Variants in SHC4 observed in about 807,000 individuals in gnomAD.
SHC4 encodes SHC adaptor protein 4, also known as SHC-transforming protein 4.
SHC4 carries 41 observed loss-of-function variants against 69.4 expected under a neutral mutation model. The observed-to-expected ratio is 0.59, with a 90% CI of 0.46 to 0.77. The LOEUF is 0.77. SHC4 is among the 30% of genes least tolerant of loss of function. The pLI is 0.00. For missense variants in SHC4, 777 were observed against 783.8 expected, an observed-to-expected ratio of 0.99 and a Z score of 0.10; for synonymous variants, 318 against 299.3, an observed-to-expected ratio of 1.06 and a Z score of -0.64.
At chr15:48,833,373 C>T (rs1198204932) in intron 11 of SHC4, among the ~76,000 whole-genome samples, 1 of 152,176 alleles carries the variant, frequency 6.6e-6, no homozygotes, top group Non-Finnish European at 1.5e-5. Flanking sequence ...CAGCAAGCCA[C>T]CCCACTATCC....
At chr15:48,946,074 C>A (rs1465424922) in intron 1 of SHC4, 1 of 152,136 alleles carries the variant, frequency 6.6e-6, no homozygotes, top group African/African-American at 2.4e-5. Flanking sequence ...CTGAAAAAGT[C>A]AATGATTGCC....
intron 3 of SHC4, 144 bp from the exon 4 acceptor site, chr15:48,884,511 T>A: frequency 1.4e-6 from 1 of 692,452 alleles, no homozygotes; most frequent in Non-Finnish European, 2.1e-6. Context: ...TGAAAGGGAA[T>A]GGTTTTTATT....
intron 1 of SHC4, among the ~76,000 whole-genome samples, chr15:48,960,542 G>C (rs1299663900): frequency 6.6e-6 from 1 of 152,166 alleles, no homozygotes; most frequent in African/African-American, 2.4e-5. Context: ...AGAGGTTTTA[G>C]TTACCCATTT....
chr15:48,841,726 T>C (rs755481385), intron 10 of SHC4, among the ~76,000 whole-genome samples: 8 of 152,222 alleles, frequency 5.3e-5, no homozygotes, highest in Admixed American at 3.3e-4. Context: ...TTCCTGATAT[T>C]GATCCTCTTA....
intron 8 of SHC4, 29 bp from the exon 9 acceptor site, chr15:48,851,277 T>C (rs1371354349): frequency 1.2e-6 from 2 of 1,610,900 alleles, no homozygotes; most frequent in East Asian, 4.5e-5. Flanking sequence ...ATGAAACATT[T>C]ACAAACATAG....
In SHC4 at chr15:48,963,752, G is replaced by A. The variant is rs1003985061; in HGVS notation, c.-737C>T. On this transcript the variant is annotated 5_prime_UTR_variant, in exon 1 of 12. Coordinates refer to ENST00000332408, the MANE Select transcript of SHC4 (RefSeq NM_203349.4). ...ATCCCCTCCCAGCCTGCCTACCCTC[G>A]CTCAGAGCTTCCCTCCCTCCTGGAT... is the stretch of plus-strand genomic sequence containing the variant. Among the ~76,000 whole-genome samples, 1 of 152,080 alleles carries A rather than the reference G, an allele frequency of 6.6e-6. No homozygotes were observed. The highest frequency in any genetic ancestry group is 1.5e-5 in the Non-Finnish European group (1 of 68,010).
intron 11 of SHC4, among the ~76,000 whole-genome samples, chr15:48,827,175 A>G (rs1299388571): frequency 6.6e-6 from 1 of 152,218 alleles, no homozygotes; most frequent in African/African-American, 2.4e-5. Context: ...TATTTCTGCC[A>G]GCTCTCCTAC....
At chr15:48,926,178 G>T (rs576021310) in intron 1 of SHC4, among the ~76,000 whole-genome samples, 1 of 152,302 alleles carries the variant, frequency 6.6e-6, no homozygotes, top group African/African-American at 2.4e-5. Context: ...AGTCTTCTGT[G>T]TAGCTTTGCC....
intron 10 of SHC4, among the ~76,000 whole-genome samples, chr15:48,841,873 T>C (rs998509549): frequency 3.3e-5 from 5 of 152,224 alleles, no homozygotes; most frequent in Non-Finnish European, 5.9e-5. Context: ...TAAGGACCCC[T>C]GGTTCTTAAT....
At chr15:48,890,550 T>C (rs1320817841) in intron 3 of SHC4, among the ~76,000 whole-genome samples, 198 bp downstream of exon 3, 2 of 152,124 alleles carry the variant, frequency 1.3e-5, no homozygotes, top group African/African-American at 4.8e-5. Flanking sequence ...GCTGGAGGTA[T>C]CACCACGTCG....
chr15:48,916,519 A>G (rs1295316923), intron 2 of SHC4, among the ~76,000 whole-genome samples: 2 of 151,598 alleles, frequency 1.3e-5, no homozygotes, highest in South Asian at 2.1e-4. Flanking sequence ...GCTAGTACCA[A>G]ATCACCCAGA....
At chr15:48,851,616 C>G (rs1364989615) in intron 8 of SHC4, among the ~76,000 whole-genome samples, 1 of 152,212 alleles carries the variant, frequency 6.6e-6, no homozygotes, top group Non-Finnish European at 1.5e-5. Context: ...CAACCTCTGT[C>G]TAATTTTGAA....
chr15:48,961,043 G>C (rs554103136), intron 1 of SHC4, among the ~76,000 whole-genome samples: 1 of 152,194 alleles, frequency 6.6e-6, no homozygotes, highest in East Asian at 1.9e-4. Flanking sequence ...GGTTGTTGAG[G>C]CTTCTCTCAT....
intron 8 of SHC4, among the ~76,000 whole-genome samples, chr15:48,851,877 C>T (rs1049869563): frequency 1.3e-5 from 2 of 152,070 alleles, no homozygotes; most frequent in Non-Finnish European, 2.9e-5. Flanking sequence ...ATCATCTAGG[C>T]AAGTGAGGAC....
At chr15:48,846,298 C>G (rs1899091627) in intron 9 of SHC4, among the ~76,000 whole-genome samples, 1 of 152,078 alleles carries the variant, frequency 6.6e-6, no homozygotes, top group Non-Finnish European at 1.5e-5. Context: ...GGGTGCCTAG[C>G]TTAAAATACT....
chr15:48,958,127 T>G (rs1234988527), intron 1 of SHC4, among the ~76,000 whole-genome samples: 1 of 152,218 alleles, frequency 6.6e-6, no homozygotes, highest in Non-Finnish European at 1.5e-5. Flanking sequence ...ACAGAAGCCC[T>G]AGGAAACTAA....
At chr15:48,843,231 A>C (rs1233999081) in intron 10 of SHC4, among the ~76,000 whole-genome samples, 178 bp downstream of exon 10, 1 of 152,170 alleles carries the variant, frequency 6.6e-6, no homozygotes, top group East Asian at 1.9e-4. Flanking sequence ...CAGCCACCAG[A>C]AGCTAGAAGA....
chr15:48,867,134 T>G (rs1242609880), intron 6 of SHC4, among the ~76,000 whole-genome samples: 1 of 152,110 alleles, frequency 6.6e-6, no homozygotes, highest in Non-Finnish European at 1.5e-5. Context: ...TACAAACAAG[T>G]GCAATATGTG....
chr15:48,845,150 T>C (rs183770199), intron 9 of SHC4, among the ~76,000 whole-genome samples: 42 of 152,330 alleles, frequency 2.8e-4, no homozygotes, highest in African/African-American at 9.4e-4. Context: ...GTCCTTCTAT[T>C]GCTTTAGTCA....
Sources: allele counts gnomAD v4.1 joint callset (sites outside exome capture counted in the v4.1 genomes callset), GRCh38; gene constraint gnomAD v4.1.1; transcripts MANE v1.5; gene names NCBI Gene and HGNC (gene_info 2026-07-23, HGNC 2026-07-21).